Variants in KCNMB2 observed in about 807,000 individuals in gnomAD.
The protein encoded by KCNMB2 is potassium calcium-activated channel subfamily M regulatory beta subunit 2.
KCNMB2 carries 9 observed loss-of-function variants against 24.5 expected under a neutral mutation model. The observed-to-expected ratio is 0.37, with a 90% CI of 0.22 to 0.64. KCNMB2 has a LOEUF of 0.64. Ranked by LOEUF, KCNMB2 falls within the 30% of genes least tolerant of loss-of-function variation. KCNMB2 has a pLI of 0.63. For synonymous variants in KCNMB2, 109 were observed against 104.4 expected (o/e 1.04, Z -0.27); for missense variants, 226 against 284.3 (o/e 0.79, Z 1.47).
intron 1 of KCNMB2, among the ~76,000 whole-genome samples, chr3:178,798,589 C>A (rs1158665718): frequency 6.6e-6 from 1 of 152,078 alleles, no homozygotes; most frequent in African/African-American, 2.4e-5. Context: ...ATGGATGGAG[C>A]TGGATGCCAT....
At chr3:178,585,138 C>T (rs183185826) in intron 1 of KCNMB2, among the ~76,000 whole-genome samples, 4 of 152,300 alleles carry the variant, frequency 2.6e-5, no homozygotes, top group Admixed American at 2.0e-4. Flanking sequence ...ACTTGGATTT[C>T]TGCAAACAGA....
At chr3:178,643,250 G>A (rs2108550884) in intron 1 of KCNMB2, among the ~76,000 whole-genome samples, 1 of 152,232 alleles carries the variant, frequency 6.6e-6, no homozygotes, top group South Asian at 2.1e-4. Flanking sequence ...CAGGGGTTAG[G>A]GATCATAGTG....
At chr3:178,752,026 G>A (rs1490492018) in intron 1 of KCNMB2, among the ~76,000 whole-genome samples, 3 of 152,204 alleles carry the variant, frequency 2.0e-5, no homozygotes, top group African/African-American at 7.2e-5. Context: ...TGTTGCAAAT[G>A]GTCACTGCCT....
At chr3:178,757,104 T>C (rs1724084154) in intron 1 of KCNMB2, 2 of 151,276 alleles carry the variant, frequency 1.3e-5, no homozygotes, top group Non-Finnish European at 2.9e-5. Flanking sequence ...CGCCCCATCT[T>C]TGTTTCTTCT....
intron 1 of KCNMB2, among the ~76,000 whole-genome samples, chr3:178,665,646 G>C (rs1005548225): frequency 1.3e-4 from 20 of 152,216 alleles, no homozygotes; most frequent in African/African-American, 4.8e-4. Flanking sequence ...TCTGACATAT[G>C]AGCAAGTTTA....
intron 1 of KCNMB2, chr3:178,757,261 C>T (rs1433569855): frequency 1.0e-4 from 14 of 135,154 alleles, no homozygotes; most frequent in Admixed American, 2.3e-4. Context: ...TATATATACA[C>T]GTGTGTGTGT....
intron 1 of KCNMB2, among the ~76,000 whole-genome samples, chr3:178,716,294 C>T (rs1722615630): frequency 6.6e-6 from 1 of 152,188 alleles, no homozygotes; most frequent in Admixed American, 6.5e-5. Context: ...TAAACATTCA[C>T]GTTATCACAT....
Position 178,604,197 on chromosome 3 carries a change from T to C in KCNMB2, c.-68+67486T>C, listed in dbSNP as rs1416120843. On this transcript the variant is annotated intron_variant, in intron 1 of 4. Transcript: ENST00000452583. ...TGTTCCTTGCTAAATAAGCACTGTT[T>C]GCAGGTGAGAAAGGAAATTAAACCA... 2.6e-5 allele frequency among the ~76,000 whole-genome samples: 4 copies of C among 152,284 alleles called. No homozygotes were observed. The South Asian group carries it at 8.3e-4, about 32-fold the overall frequency.
chr3:178,733,295 A>C (rs916506257), intron 1 of KCNMB2, among the ~76,000 whole-genome samples: 1 of 152,132 alleles, frequency 6.6e-6, no homozygotes, highest in Non-Finnish European at 1.5e-5. Flanking sequence ...CACAGCAAGG[A>C]AGCCAATGTG....
intron 1 of KCNMB2, among the ~76,000 whole-genome samples, chr3:178,647,111 T>C (rs1719948108): frequency 6.6e-6 from 1 of 152,246 alleles, no homozygotes; most frequent in Non-Finnish European, 1.5e-5. Context: ...GCTTGCCTGC[T>C]GCTGGACCTC....
At chr3:178,552,271 A>G (rs1715981702) in intron 1 of KCNMB2, among the ~76,000 whole-genome samples, 1 of 152,204 alleles carries the variant, frequency 6.6e-6, no homozygotes, top group African/African-American at 2.4e-5. Flanking sequence ...TGCGAAAGAG[A>G]AAGAAGAGTC....
chr3:178,768,082 A>C (rs1712197433), intron 1 of KCNMB2, among the ~76,000 whole-genome samples: 1 of 152,124 alleles, frequency 6.6e-6, no homozygotes, highest in Non-Finnish European at 1.5e-5. Flanking sequence ...ACAGGAATTT[A>C]AGTGAAGATA....
rs373420986 is a variant in KCNMB2 at position 178,842,751 on chromosome 3, C to T, written c.522C>T (p.Cys174=). The change falls in exon 5 of 5, where the codon TGC becomes TGT. Residue 174 remains cysteine (C), a synonymous_variant. Coordinates refer to ENST00000452583, the MANE Select transcript of KCNMB2 (RefSeq NM_181361.3). ...ENFRKYQHFS[C]YSDPEGNQKS... is the part of the protein sequence containing the mutation. ...TCAGGAAGTATCAACACTTCTCCTGCTATTCTGACCCAGAAGGAAACCAGA... is the reference window on the plus strand; with the variant it reads ...TCAGGAAGTATCAACACTTCTCCTGTTATTCTGACCCAGAAGGAAACCAGA... 4.0e-5 allele frequency: 64 copies of T among 1,613,230 alleles called. No homozygotes were observed. Among genetic ancestry groups the T allele is most frequent in the Non-Finnish European group, 5.2e-5 (61 of 1,179,282 alleles).
intron 1 of KCNMB2, among the ~76,000 whole-genome samples, chr3:178,746,717 T>C (rs1173951038): frequency 6.6e-6 from 1 of 152,202 alleles, no homozygotes; most frequent in Non-Finnish European, 1.5e-5. Flanking sequence ...CCAGATAACC[T>C]AAATCATCTC....
chr3:178,712,535 A>G (rs1722487904), intron 1 of KCNMB2, among the ~76,000 whole-genome samples: 1 of 152,230 alleles, frequency 6.6e-6, no homozygotes, highest in African/African-American at 2.4e-5. Flanking sequence ...AATTCTGCCA[A>G]TGATAGCTGA....
At chr3:178,563,618 G>A (rs1474983115) in intron 1 of KCNMB2, among the ~76,000 whole-genome samples, 1 of 152,138 alleles carries the variant, frequency 6.6e-6, no homozygotes, top group Non-Finnish European at 1.5e-5. Context: ...CCTGCTTTGA[G>A]ATGAGAATCA....
At chr3:178,655,392 T>A (rs1720296814) in intron 1 of KCNMB2, among the ~76,000 whole-genome samples, 1 of 152,136 alleles carries the variant, frequency 6.6e-6, no homozygotes, top group Admixed American at 6.6e-5. Flanking sequence ...TAGAATGATC[T>A]CTGGGTTCTA....
At chr3:178,566,378 C>G (rs1404659160) in intron 1 of KCNMB2, among the ~76,000 whole-genome samples, 4 of 152,154 alleles carry the variant, frequency 2.6e-5, no homozygotes, top group African/African-American at 9.7e-5. Flanking sequence ...GGTCTCAGCA[C>G]TTGAGTGGCA....
At chr3:178,770,464 G>A (rs58883340) in intron 1 of KCNMB2, among the ~76,000 whole-genome samples, 2,373 of 152,306 alleles carry the variant, frequency 0.016, 72 homozygotes, top group African/African-American at 0.054. Context: ...AGGACCAAGT[G>A]CGGTATTGTA....
Sources: gnomAD v4.1 joint callset for allele counts (sites outside exome capture counted in the v4.1 genomes callset) on GRCh38, gnomAD v4.1.1 for gene constraint, MANE v1.5 for transcripts, NCBI Gene and HGNC (gene_info 2026-07-23, HGNC 2026-07-21) for gene names.